Variants in STX8 observed in about 807,000 individuals in gnomAD.
STX8 encodes syntaxin 8.
A neutral mutation model predicts 37.5 loss-of-function variants in STX8; 23 were observed. That is an observed-to-expected ratio of 0.61 (90% CI 0.44 to 0.87). STX8 has a LOEUF of 0.87. Ranked by LOEUF, STX8 falls within the 40% of genes least tolerant of loss-of-function variation. The probability of loss-of-function intolerance (pLI) is 0.00; values close to 1 mark genes in which losing one functional copy is unlikely to be tolerated. For missense variants in STX8, 313 were observed against 284.7 expected (o/e 1.10, Z -0.71); for synonymous variants, 115 against 99.1 (o/e 1.16, Z -0.95).
At chr17:9,334,847 G>A (rs2142222500) in intron 7 of STX8, among the ~76,000 whole-genome samples, 1 of 152,304 alleles carries the variant, frequency 6.6e-6, no homozygotes, top group South Asian at 2.1e-4. Context: ...CTTGATAAGT[G>A]TTAAATACAG....
intron 7 of STX8, among the ~76,000 whole-genome samples, chr17:9,355,720 G>C (rs1441630625): frequency 1.3e-5 from 2 of 152,038 alleles, no homozygotes; most frequent in Admixed American, 1.3e-4. Flanking sequence ...ATGTTGGTCA[G>C]GCTGGTCTCG....
At chr17:9,297,559 A>T (rs917285770) in intron 7 of STX8, among the ~76,000 whole-genome samples, 12 of 152,244 alleles carry the variant, frequency 7.9e-5, no homozygotes, top group African/African-American at 2.7e-4. Context: ...GGGCTAGGCA[A>T]CAGCAAGTAC....
chr17:9,460,210 G>C (rs1028342795), intron 6 of STX8, among the ~76,000 whole-genome samples: 4 of 152,150 alleles, frequency 2.6e-5, no homozygotes, highest in African/African-American at 9.7e-5. Context: ...AACTTTCATA[G>C]TTAGGAAATG....
intron 6 of STX8, among the ~76,000 whole-genome samples, chr17:9,464,112 A>T (rs939266952): frequency 2.0e-5 from 3 of 152,166 alleles, no homozygotes; most frequent in African/African-American, 7.2e-5. Flanking sequence ...ATTTATCATG[A>T]GATTGAAATA....
chr17:9,431,458 T>G (rs1380889394), intron 6 of STX8, among the ~76,000 whole-genome samples: 4 of 149,742 alleles, frequency 2.7e-5, no homozygotes, highest in Non-Finnish European at 5.9e-5. Flanking sequence ...GTTTTGTTTT[T>G]TTTGTTTTTT....
chr17:9,309,127 C>T (rs193263318), intron 7 of STX8, among the ~76,000 whole-genome samples: 160 of 152,206 alleles, frequency 1.1e-3, no homozygotes, highest in Non-Finnish European at 2.1e-3. Flanking sequence ...CAAGAACCTT[C>T]CCCATTCTTC....
chr17:9,485,627 C>T, intron 6 of STX8, among the ~76,000 whole-genome samples: 1 of 151,354 alleles, frequency 6.6e-6, no homozygotes. Flanking sequence ...GCTCTGTCAC[C>T]CAGGCTGGAG....
At chr17:9,543,305 T>TC (rs1555535812) in intron 4 of STX8, among the ~76,000 whole-genome samples, 2 of 150,822 alleles carry the variant, frequency 1.3e-5, no homozygotes, top group South Asian at 2.1e-4. Context: ...TTTTGGTTTT[T>TC]TTTTTTGAGA....
chr17:9,378,113 T>C (rs963772405), intron 7 of STX8: 1 of 158,120 alleles, frequency 6.3e-6, no homozygotes, highest in African/African-American at 2.4e-5. Context: ...GGCATATGAA[T>C]CCCCATTTTA....
At chr17:9,475,310 T>C (rs1272625432) in intron 6 of STX8, among the ~76,000 whole-genome samples, 1 of 152,036 alleles carries the variant, frequency 6.6e-6, no homozygotes, top group East Asian at 1.9e-4. Flanking sequence ...GGGGAATGGG[T>C]GAAATACAGC....
chr17:9,256,034 G>A (rs1326351013), intron 7 of STX8, among the ~76,000 whole-genome samples: 4 of 152,322 alleles, frequency 2.6e-5, no homozygotes, highest in East Asian at 1.9e-4. Context: ...GAGCCACACC[G>A]TTCATGAAAC....
intron 6 of STX8, among the ~76,000 whole-genome samples, chr17:9,445,239 T>C (rs1904797498): frequency 1.3e-5 from 2 of 151,966 alleles, no homozygotes; most frequent in African/African-American, 4.8e-5. Context: ...AATGAATACC[T>C]ATTGGCACTC....
At chr17:9,309,465 A>G (rs1397748008) in intron 7 of STX8, among the ~76,000 whole-genome samples, 1 of 152,188 alleles carries the variant, frequency 6.6e-6, no homozygotes, top group Middle Eastern at 3.2e-3. Context: ...TGGGAGGGGT[A>G]AATTACGGAG....
chr17:9,301,020 G>T (rs1046946601), intron 7 of STX8, among the ~76,000 whole-genome samples: 2 of 151,734 alleles, frequency 1.3e-5, no homozygotes, highest in African/African-American at 4.8e-5. Context: ...TTTTAGTACA[G>T]ACTCGGTTTC....
intron 6 of STX8, among the ~76,000 whole-genome samples, chr17:9,436,578 A>G (rs189790595): frequency 3.6e-4 from 55 of 152,302 alleles, no homozygotes; most frequent in African/African-American, 1.3e-3. Context: ...ACTTTGACCT[A>G]CTTGGGTTTT....
At chr17:9,542,024 T>C (rs1314708476) in intron 4 of STX8, among the ~76,000 whole-genome samples, 4 of 151,454 alleles carry the variant, frequency 2.6e-5, no homozygotes, top group Non-Finnish European at 4.4e-5. Flanking sequence ...TTTTTTCCAT[T>C]CTCTCTTGGG....
At chr17:9,365,296 A>G (rs1440199678) in intron 7 of STX8, among the ~76,000 whole-genome samples, 1 of 152,266 alleles carries the variant, frequency 6.6e-6, no homozygotes, top group African/African-American at 2.4e-5. Flanking sequence ...CCACTTAGTA[A>G]AAATCTGCCG....
chr17:9,524,892 C>T (rs1247399347), intron 4 of STX8, among the ~76,000 whole-genome samples: 2 of 151,452 alleles, frequency 1.3e-5, no homozygotes, highest in Non-Finnish European at 2.9e-5. Context: ...ACTGCAACCT[C>T]GGCCTCCTGG....
At chr17:9,488,757 C>T (rs1006883095) in intron 6 of STX8, among the ~76,000 whole-genome samples, 2 of 151,984 alleles carry the variant, frequency 1.3e-5, no homozygotes, top group African/African-American at 4.8e-5. Flanking sequence ...GTGTGACTCA[C>T]ATCAAACTTC....
Sources: allele counts gnomAD v4.1 joint callset (sites outside exome capture counted in the v4.1 genomes callset), GRCh38; gene constraint gnomAD v4.1.1; transcripts MANE v1.5; gene names NCBI Gene and HGNC (gene_info 2026-07-23, HGNC 2026-07-21).